Variants in CLNK observed in about 807,000 individuals in gnomAD.
CLNK encodes the protein cytokine dependent hematopoietic cell linker, also known as cytokine-dependent hematopoietic cell linker.
A neutral mutation model predicts 68.6 loss-of-function variants in CLNK; 74 were observed. That is an observed-to-expected ratio of 1.08 (90% CI 0.89 to 1.31). The LOEUF (loss-of-function observed/expected upper bound fraction) is 1.31. Ranked by LOEUF, CLNK falls within the 50% of genes most tolerant of loss-of-function variation. The pLI, the probability that CLNK is intolerant of heterozygous loss-of-function variation, is 0.00. For synonymous variants in CLNK, 198 were observed against 172.2 expected (o/e 1.15, Z -1.17); for missense variants, 553 against 515.3 (o/e 1.07, Z -0.71).
chr4:10,614,481 G>T (rs1722148448), intron 2 of CLNK, among the ~76,000 whole-genome samples: 1 of 152,134 alleles, frequency 6.6e-6, no homozygotes, highest in South Asian at 2.1e-4. Context: ...TTAAGAGTGT[G>T]GGATTTGGAA....
chr4:10,623,006 A>T (rs1722521075), intron 2 of CLNK, among the ~76,000 whole-genome samples: 1 of 152,022 alleles, frequency 6.6e-6, no homozygotes, highest in South Asian at 2.1e-4. Context: ...CAAAGTCCCC[A>T]CCTCTAAATA....
rs771609751 is a variant in CLNK, at chr4:10,501,256, C to T, written c.1140G>A (p.Glu380=). 2 of 1,567,074 alleles carry T rather than the reference C, an allele frequency of 1.3e-6. No individual in the cohort carries two copies. The highest frequency in any genetic ancestry group is 8.6e-7 in the Non-Finnish European group (1 of 1,164,678). The change falls in exon 18 of 19, where the codon GAG becomes GAA. Residue 380 remains glutamate, a splice_region_variant and synonymous_variant. Coordinates refer to ENST00000226951, the MANE Select transcript of CLNK (RefSeq NM_052964.4). The stretch of plus-strand genomic sequence containing the variant: ...AGGGAGGCTGTTAAGTTATACCCAC[C>T]TCATCTCCTCTGAGTCCTGTCCCCA... ...FALGTGLRGD[E]KFDSVEDIIE...
At chr4:10,642,560 A>G (rs1023927571) in intron 2 of CLNK, among the ~76,000 whole-genome samples, 2 of 152,202 alleles carry the variant, frequency 1.3e-5, no homozygotes, top group Non-Finnish European at 2.9e-5. Context: ...GAGCATTAGA[A>G]AGAAAAACCT....
intron 4 of CLNK, among the ~76,000 whole-genome samples, chr4:10,581,325 A>T (rs1720770701): frequency 3.3e-5 from 5 of 152,198 alleles, no homozygotes; most frequent in Admixed American, 3.3e-4. Context: ...ATATATGTGT[A>T]TATTCATATA....
chr4:10,541,959 CA>C, intron 10 of CLNK, 62 bp downstream of exon 10: 1 of 1,217,530 alleles, frequency 8.2e-7, no homozygotes, highest in Non-Finnish European at 1.2e-6. Flanking sequence ...TTCTCTTTTT[CA>C]GATGCTGGCA....
the CLNK span, among the ~76,000 whole-genome samples, chr4:10,704,463 T>A: frequency 1.3e-5 from 2 of 150,134 alleles, no homozygotes; most frequent in African/African-American, 2.5e-5. Context: ...TGAAAAATAT[T>A]TTTTTTTTCT....
At chr4:10,683,871 G>A (rs1234655120) in intron 1 of CLNK, among the ~76,000 whole-genome samples, 1 of 152,166 alleles carries the variant, frequency 6.6e-6, no homozygotes. Flanking sequence ...GACAGCCAGA[G>A]AAATAGCCAT....
chr4:10,635,308 C>G (rs1341667607), intron 2 of CLNK, among the ~76,000 whole-genome samples: 1 of 152,168 alleles, frequency 6.6e-6, no homozygotes, highest in South Asian at 2.1e-4. Flanking sequence ...TTCTGCCTCT[C>G]CTGACAGTGA....
intron 11 of CLNK, among the ~76,000 whole-genome samples, chr4:10,538,869 T>A (rs142910960): frequency 1.1e-4 from 16 of 152,240 alleles, no homozygotes; most frequent in African/African-American, 2.6e-4. Context: ...AAAAGTGCAA[T>A]AAGTGTTGGT....
chr4:10,594,226 A>G (rs1330237733), intron 3 of CLNK, among the ~76,000 whole-genome samples: 1 of 152,194 alleles, frequency 6.6e-6, no homozygotes, highest in Admixed American at 6.5e-5. Flanking sequence ...AAGAGGTCAG[A>G]CATTTCCCCA....
chr4:10,594,871 G>C (rs926334472), intron 3 of CLNK, among the ~76,000 whole-genome samples: 1 of 152,188 alleles, frequency 6.6e-6, no homozygotes, highest in Non-Finnish European at 1.5e-5. Flanking sequence ...AAGGCGGGCA[G>C]ATCACCTGAG....
chr4:10,633,644 T>G (rs1434056923), intron 2 of CLNK, among the ~76,000 whole-genome samples: 1 of 152,230 alleles, frequency 6.6e-6, no homozygotes, highest in Admixed American at 6.5e-5. Flanking sequence ...AGAGCAAGAA[T>G]TCTGTCATCC....
At position 10,659,787 on chromosome 4, in the gene CLNK, CT is replaced by C. The variant is rs199965533; in HGVS notation, c.11+8071del. 3.3e-4 allele frequency among the ~76,000 whole-genome samples: 50 copies of C among 151,304 alleles called. 1 individual carries two copies. The South Asian group carries it at 7.4e-3, about 22-fold the overall frequency. ...TACACATCTAGATCTCCAGGAATTC[CT>C]TTTTTTTTCCTTTCCAAGGGATACA... On this transcript the variant is annotated intron_variant, in intron 2 of 18. Transcript: ENST00000226951.
At chr4:10,619,423 G>T (rs556195549) in intron 2 of CLNK, among the ~76,000 whole-genome samples, 108 of 152,248 alleles carry the variant, frequency 7.1e-4, no homozygotes, top group Middle Eastern at 3.4e-3. Flanking sequence ...CTGTGTTTTG[G>T]TAATAATGAT....
chr4:10,506,958 C>G (rs1364109609), intron 17 of CLNK, among the ~76,000 whole-genome samples: 1 of 151,740 alleles, frequency 6.6e-6, no homozygotes, highest in Admixed American at 6.6e-5. Context: ...TGCCACCATG[C>G]CCGGCCAATT....
chr4:10,548,861 C>T (rs975631468), intron 8 of CLNK, among the ~76,000 whole-genome samples: 1 of 152,226 alleles, frequency 6.6e-6, no homozygotes, highest in African/African-American at 2.4e-5. Flanking sequence ...GGGCTCTGCA[C>T]TCTGCCTTAC....
intron 14 of CLNK, chr4:10,523,899 C>A: frequency 2.8e-6 from 1 of 358,790 alleles, no homozygotes; most frequent in Non-Finnish European, 5.5e-6. Flanking sequence ...GTGGCATGTG[C>A]CTATAGTTCC....
intron 11 of CLNK, among the ~76,000 whole-genome samples, chr4:10,538,337 C>T (rs953620063): frequency 6.6e-6 from 1 of 152,220 alleles, no homozygotes; most frequent in Non-Finnish European, 1.5e-5. Context: ...CCATGTTGGC[C>T]AGGCTGGTCT....
the CLNK span, among the ~76,000 whole-genome samples, chr4:10,726,038 G>A: frequency 6.9e-4 from 105 of 152,242 alleles, no homozygotes; most frequent in African/African-American, 2.5e-3. Context: ...GGGCAGGGCT[G>A]GTTCCTTCTC....
Sources: gnomAD v4.1 joint callset for allele counts (sites outside exome capture counted in the v4.1 genomes callset) on GRCh38, gnomAD v4.1.1 for gene constraint, MANE v1.5 for transcripts, NCBI Gene and HGNC (gene_info 2026-07-23, HGNC 2026-07-21) for gene names.